The following AQP9 variants were observed in gnomAD, a reference collection of about 807,000 sequenced individuals.
AQP9 encodes aquaporin-9.
AQP9 carries 19 observed loss-of-function variants against 23.8 expected under a neutral mutation model. That is an observed-to-expected ratio of 0.80 (90% CI 0.56 to 1.17). The LOEUF (loss-of-function observed/expected upper bound fraction) is 1.17, where lower values mean the gene tolerates loss of function less well. Among genes scored for constraint, AQP9 ranks in the 50% most tolerant of loss-of-function variants. The pLI, the probability that AQP9 is intolerant of heterozygous loss-of-function variation, is 0.00. For synonymous variants in AQP9, 153 were observed against 131.5 expected, an observed-to-expected ratio of 1.16 and a Z score of -1.12; for missense variants, 413 against 362.0, an observed-to-expected ratio of 1.14 and a Z score of -1.14.
chr15:58,152,306 C>A (rs1393180856), intron 1 of AQP9: 1 of 152,152 alleles, frequency 6.6e-6, no homozygotes, highest in African/African-American at 2.4e-5. Flanking sequence ...TCAAACATCA[C>A]CATTATGCTT....
At chr15:58,148,231 G>A (rs1389418468) in intron 1 of AQP9, among the ~76,000 whole-genome samples, 3 of 152,098 alleles carry the variant, frequency 2.0e-5, no homozygotes, top group Non-Finnish European at 4.4e-5. Flanking sequence ...AAAAATACAT[G>A]TGGTCCTTCC....
At chr15:58,179,488 T>C (rs1437784150) in intron 5 of AQP9, 143 bp downstream of exon 5, 2 of 689,192 alleles carry the variant, frequency 2.9e-6, no homozygotes, top group African/African-American at 3.7e-5. Flanking sequence ...ATGAGACATT[T>C]CACTGGTATT....
At chr15:58,158,825 G>C (rs1399525472) in intron 1 of AQP9, among the ~76,000 whole-genome samples, 1 of 152,100 alleles carries the variant, frequency 6.6e-6, no homozygotes. Flanking sequence ...CAGACCTCTT[G>C]CGGTAATTCT....
chr15:58,169,986 C>G (rs1196964840), intron 2 of AQP9, among the ~76,000 whole-genome samples: 1 of 152,200 alleles, frequency 6.6e-6, no homozygotes, highest in African/African-American at 2.4e-5. Context: ...GTTCCCTCTG[C>G]TCACCTAAGA....
At chr15:58,150,363 G>C (rs1898125901) in intron 1 of AQP9, 1 of 152,582 alleles carries the variant, frequency 6.6e-6, no homozygotes, top group Admixed American at 6.6e-5. Context: ...GGAATTTATG[G>C]CTCAACATTC....
chr15:58,177,079 T>C (rs1898775781), intron 4 of AQP9, among the ~76,000 whole-genome samples: 1 of 152,192 alleles, frequency 6.6e-6, no homozygotes, highest in Non-Finnish European at 1.5e-5. Context: ...TTCTTAGGCT[T>C]TGGAGAGAGT....
At chr15:58,183,879 A>T in intron 5 of AQP9, 82 bp from the exon 6 acceptor site, 1 of 1,454,290 alleles carries the variant, frequency 6.9e-7, no homozygotes, top group African/African-American at 1.5e-5. Context: ...TGTGAGAAAG[A>T]CTAACAAGTG....
chr15:58,155,984 C>T (rs1199695188), intron 1 of AQP9: 1 of 152,182 alleles, frequency 6.6e-6, no homozygotes. Context: ...ATCAGACAAA[C>T]AGCATCCATT....
At chr15:58,183,081 A>G (rs980524676) in intron 5 of AQP9, among the ~76,000 whole-genome samples, 8 of 152,230 alleles carry the variant, frequency 5.3e-5, no homozygotes, top group African/African-American at 1.9e-4. Context: ...CTAGAATCCA[A>G]CTAGAACACT....
chr15:58,173,813 G>A (rs921501042), intron 3 of AQP9, among the ~76,000 whole-genome samples: 42 of 152,160 alleles, frequency 2.8e-4, no homozygotes, highest in African/African-American at 9.2e-4. Flanking sequence ...GGAAAATGAG[G>A]GAATTGAATC....
chr15:58,185,904 C>T lies in AQP9; in HGVS notation c.*1769C>T, dbSNP rs1197147606. 1 of 152,032 alleles carries T rather than the reference C, an allele frequency of 6.6e-6. No individual in the cohort carries two copies. The highest frequency in any genetic ancestry group is 2.4e-5 in the African/African-American group (1 of 41,392). 9.4% of individuals were successfully genotyped at this position (152,032 alleles called of 1,614,324 possible). A position where few individuals can be genotyped will look rare whatever the true frequency, so the allele number is the denominator to read the frequency against. On this transcript the variant is annotated 3_prime_UTR_variant, in exon 6 of 6. Coordinates refer to ENST00000219919, the MANE Select transcript of AQP9 (RefSeq NM_020980.5). The stretch of plus-strand genomic sequence containing the variant: ...CCTATTTGAAATAAAATTGTTCGGT[C>T]ATTGTTGGTTGCTTGGTTGGTTTTT...
chr15:58,161,305 A>G (rs780829376), intron 1 of AQP9, among the ~76,000 whole-genome samples: 1 of 152,216 alleles, frequency 6.6e-6, no homozygotes, highest in Non-Finnish European at 1.5e-5. Context: ...CCCACCAATT[A>G]AAGTTTTGTA....
chr15:58,173,321 C>A, intron 3 of AQP9, 116 bp downstream of exon 3: 2 of 1,431,468 alleles, frequency 1.4e-6, no homozygotes, highest in South Asian at 1.3e-5. Context: ...CTACAAGTGA[C>A]AGCAAGTTCT....
intron 1 of AQP9, among the ~76,000 whole-genome samples, chr15:58,143,284 A>C (rs969616021): frequency 7.2e-5 from 11 of 152,210 alleles, no homozygotes; most frequent in African/African-American, 2.7e-4. Context: ...CTTGCCTTGA[A>C]GCAAGAGTTT....
At position 58,184,486 on chromosome 15, in the gene AQP9, T is replaced by C. The variant is rs568823872; in HGVS notation, c.*351T>C. The stretch of plus-strand genomic sequence containing the variant: ...GGTGGTTTCAGCTGCACTATCTGTA[T>C]GAAATGGTGTCACCAAAACCCTTTT... On this transcript the variant is annotated 3_prime_UTR_variant, in exon 6 of 6. Coordinates refer to ENST00000219919, the MANE Select transcript of AQP9 (RefSeq NM_020980.5). 1 of 186,220 alleles carries C rather than the reference T, an allele frequency of 5.4e-6. No homozygotes were observed. Among genetic ancestry groups the C allele is most frequent in the South Asian group, 1.6e-4 (1 of 6,082 alleles). The allele number at this position is 186,220 out of a possible 1,614,324, so 11.5% of individuals were successfully genotyped here.
At chr15:58,181,144 T>G (rs889049511) in intron 5 of AQP9, among the ~76,000 whole-genome samples, 1 of 152,206 alleles carries the variant, frequency 6.6e-6, no homozygotes, top group South Asian at 2.1e-4. Context: ...CCCTTTGCTC[T>G]GTTAAGTATA....
intron 1 of AQP9, among the ~76,000 whole-genome samples, chr15:58,142,830 T>C (rs1272332566): frequency 1.3e-5 from 2 of 152,094 alleles, no homozygotes; most frequent in African/African-American, 4.8e-5. Flanking sequence ...TCTCCAAGTC[T>C]AGGGTGCCCA....
intron 1 of AQP9, among the ~76,000 whole-genome samples, chr15:58,139,188 T>C (rs1014546646): frequency 6.6e-6 from 1 of 152,224 alleles, no homozygotes; most frequent in Admixed American, 6.5e-5. Context: ...AAATTAAAAA[T>C]TGCACTAGGT....
chr15:58,145,887 T>C (rs1327821285), intron 1 of AQP9, among the ~76,000 whole-genome samples: 2 of 152,208 alleles, frequency 1.3e-5, no homozygotes, highest in Admixed American at 6.5e-5. Context: ...GGTTGAATGA[T>C]AAATTAGCTG....
Sources: allele counts gnomAD v4.1 joint callset (sites outside exome capture counted in the v4.1 genomes callset), GRCh38; gene constraint gnomAD v4.1.1; transcripts MANE v1.5; gene names NCBI Gene and HGNC (gene_info 2026-07-23, HGNC 2026-07-21).